The following FHIT variants were observed in gnomAD, a reference collection of about 807,000 sequenced individuals.
The protein encoded by FHIT is fragile histidine triad diadenosine triphosphatase, also known as bis(5'-adenosyl)-triphosphatase.
In FHIT, 19 loss-of-function variants were observed where a neutral mutation model predicts 17.9. The ratio of observed to expected loss-of-function variants is 1.06; its 90% CI spans 0.74 to 1.56. The LOEUF (loss-of-function observed/expected upper bound fraction) is 1.56, where lower values mean the gene tolerates loss of function less well. FHIT is among the 40% of genes most tolerant of loss of function. The pLI is 0.00. For missense variants in FHIT, 248 were observed against 189.2 expected, an observed-to-expected ratio of 1.31 and a Z score of -1.82; for synonymous variants, 81 against 69.7, an observed-to-expected ratio of 1.16 and a Z score of -0.81.
intron 8 of FHIT, among the ~76,000 whole-genome samples, chr3:59,849,229 C>T (rs1559659829): frequency 6.6e-6 from 1 of 151,978 alleles, no homozygotes; most frequent in Non-Finnish European, 1.5e-5. Flanking sequence ...AAAAATTAGA[C>T]AGGTGTTGTG....
At position 60,095,185 on chromosome 3, in the gene FHIT, C is replaced by T. The variant is rs138551602; in HGVS notation, c.104-81033G>A. Among the ~76,000 whole-genome samples the T allele has an allele frequency of 1.3e-3, 202 of 152,200 alleles. 1 individual carries two copies. The highest frequency in any genetic ancestry group is 4.0e-3 in the African/African-American group (165 of 41,536). ...GCGTGTTGATAGCCAAGAGGCACAA[C>T]GATGCATTTTGTACATTTATTACCT... On this transcript the variant is annotated intron_variant, in intron 5 of 9. Transcript: ENST00000492590.
chr3:60,274,880 T>G (rs1227817825), intron 5 of FHIT, among the ~76,000 whole-genome samples: 1 of 152,276 alleles, frequency 6.6e-6, no homozygotes, highest in East Asian at 1.9e-4. Context: ...ATAATTGCAA[T>G]AGGAAGTTCT....
chr3:61,151,070 GCTT>G (rs1333891469), intron 2 of FHIT, among the ~76,000 whole-genome samples: 1 of 152,272 alleles, frequency 6.6e-6, no homozygotes, highest in East Asian at 1.9e-4. Context: ...CTTTGGATTT[GCTT>G]CTTGTTTCTC....
intron 5 of FHIT, among the ~76,000 whole-genome samples, chr3:60,156,299 G>A (rs958274030): frequency 5.2e-4 from 78 of 150,680 alleles, no homozygotes; most frequent in Middle Eastern, 7.0e-3. Context: ...GCAGTGAGCC[G>A]AGATTGTGCC....
At chr3:60,246,694 C>T (rs1254506944) in intron 5 of FHIT, among the ~76,000 whole-genome samples, 1 of 152,102 alleles carries the variant, frequency 6.6e-6, no homozygotes, top group Non-Finnish European at 1.5e-5. Context: ...ATATTTACTC[C>T]TATTTAAAGT....
intron 5 of FHIT, among the ~76,000 whole-genome samples, chr3:60,218,947 G>A (rs996477948): frequency 6.6e-6 from 1 of 152,054 alleles, no homozygotes; most frequent in Non-Finnish European, 1.5e-5. Flanking sequence ...GGGCCACCCA[G>A]TCAATGCTTT....
At chr3:59,806,074 C>T (rs1050231391) in intron 8 of FHIT, among the ~76,000 whole-genome samples, 9 of 151,352 alleles carry the variant, frequency 5.9e-5, no homozygotes, top group East Asian at 3.9e-4. Context: ...CCAGCTACTC[C>T]GGAGGCTGAG....
intron 7 of FHIT, among the ~76,000 whole-genome samples, chr3:59,926,305 A>T (rs1206252077): frequency 1.3e-5 from 2 of 152,204 alleles, no homozygotes; most frequent in Non-Finnish European, 2.9e-5. Flanking sequence ...TTTCTAAAGT[A>T]TACATTGATT....
intron 3 of FHIT, among the ~76,000 whole-genome samples, chr3:60,867,017 C>A (rs782240935): frequency 1.3e-5 from 2 of 152,036 alleles, no homozygotes; most frequent in African/African-American, 2.4e-5. Flanking sequence ...TGAATGTATT[C>A]GATCACAAAG....
intron 3 of FHIT, among the ~76,000 whole-genome samples, chr3:60,850,636 C>T (rs1283770464): frequency 6.6e-6 from 1 of 152,070 alleles, no homozygotes; most frequent in Admixed American, 6.6e-5. Flanking sequence ...TTATCCAGAG[C>T]CAGGTGCCTG....
intron 4 of FHIT, among the ~76,000 whole-genome samples, chr3:60,722,481 G>C (rs2041828188): frequency 6.6e-6 from 1 of 152,098 alleles, no homozygotes; most frequent in Non-Finnish European, 1.5e-5. Flanking sequence ...TATTCTCTAA[G>C]GCAGGATTTC....
In FHIT at chr3:59,918,153, T is replaced by C. The variant is rs578041659; in HGVS notation, c.348+4193A>G. ...AATTGACCGTCTGAAGAGCAATATA[T>C]AGTCTCCTTTTAAATTATGTTAGAA... On this transcript the variant is annotated intron_variant, in intron 8 of 9. Coordinates refer to ENST00000492590, the MANE Select transcript of FHIT (RefSeq NM_002012.4). Among the ~76,000 whole-genome samples, 4 of 152,318 alleles carry C rather than the reference T, an allele frequency of 2.6e-5. No homozygotes were observed. The South Asian group carries it at 8.3e-4, about 32-fold the overall frequency.
intron 2 of FHIT, among the ~76,000 whole-genome samples, chr3:61,096,005 C>T (rs556576637): frequency 1.3e-5 from 2 of 152,288 alleles, no homozygotes; most frequent in South Asian, 2.1e-4. Context: ...GAAAAAAGGA[C>T]CTCATCTGCA....
chr3:60,939,681 G>GA (rs1253166631), intron 3 of FHIT, among the ~76,000 whole-genome samples: 4 of 152,142 alleles, frequency 2.6e-5, no homozygotes, highest in African/African-American at 9.6e-5. Context: ...TTTTACTACA[G>GA]AAATTATTAT....
intron 5 of FHIT, among the ~76,000 whole-genome samples, chr3:60,218,481 G>C (rs944734962): frequency 7.2e-5 from 11 of 152,050 alleles, no homozygotes; most frequent in African/African-American, 2.7e-4. Flanking sequence ...AGCTTTAAAT[G>C]AACAATTTTT....
intron 8 of FHIT, among the ~76,000 whole-genome samples, chr3:59,800,618 C>G (rs1268467136): frequency 2.0e-5 from 3 of 152,236 alleles, no homozygotes; most frequent in East Asian, 3.8e-4. Flanking sequence ...CTGTCTTCAA[C>G]TGAGCTGTTA....
chr3:60,165,118 A>T (rs537236452), intron 5 of FHIT, among the ~76,000 whole-genome samples: 1 of 152,282 alleles, frequency 6.6e-6, no homozygotes, highest in Non-Finnish European at 1.5e-5. Context: ...AAAGGAAGTG[A>T]TGAGGATGAT....
intron 7 of FHIT, among the ~76,000 whole-genome samples, chr3:59,928,489 C>T (rs1705783164): frequency 6.6e-6 from 1 of 152,124 alleles, no homozygotes; most frequent in African/African-American, 2.4e-5. Context: ...TGCAAATCAC[C>T]TATCTGATAA....
chr3:60,769,630 C>A (rs941834108), intron 4 of FHIT, among the ~76,000 whole-genome samples: 4 of 152,142 alleles, frequency 2.6e-5, no homozygotes, highest in Non-Finnish European at 5.9e-5. Context: ...GGTAAAGTGA[C>A]GTACAGGAAT....
Sources: allele counts gnomAD v4.1 joint callset (sites outside exome capture counted in the v4.1 genomes callset), GRCh38; gene constraint gnomAD v4.1.1; transcripts MANE v1.5; gene names NCBI Gene and HGNC (gene_info 2026-07-23, HGNC 2026-07-21).